FSTL5: variants seen among roughly 807,000 people sequenced by gnomAD.
FSTL5 encodes follistatin like 5.
A neutral mutation model predicts 89.1 loss-of-function variants in FSTL5; 62 were observed. The observed-to-expected ratio is 0.70, with a 90% CI of 0.57 to 0.86. FSTL5 has a LOEUF of 0.86. FSTL5 is among the 40% of genes least tolerant of loss of function. The pLI is 0.00. For synonymous variants in FSTL5, 383 were observed against 346.2 expected (o/e 1.11, Z -1.18); for missense variants, 1,057 against 1,001.6 (o/e 1.06, Z -0.75).
At chr4:161,493,502 C>T (rs2126473575) in intron 12 of FSTL5, among the ~76,000 whole-genome samples, 1 of 151,608 alleles carries the variant, frequency 6.6e-6, no homozygotes, top group South Asian at 2.1e-4. Flanking sequence ...AAGATAGGTA[C>T]TTTTTTGTGT....
chr4:161,868,937 A>G (rs1342669079), intron 4 of FSTL5, among the ~76,000 whole-genome samples: 2 of 152,214 alleles, frequency 1.3e-5, no homozygotes, highest in South Asian at 2.1e-4. Flanking sequence ...AAAGATAACA[A>G]AAGGCCAGGC....
intron 3 of FSTL5, among the ~76,000 whole-genome samples, chr4:161,989,058 C>T (rs192922158): frequency 6.6e-6 from 1 of 152,254 alleles, no homozygotes; most frequent in East Asian, 1.9e-4. Context: ...AGGATGTATT[C>T]TACTTAAATC....
intron 3 of FSTL5, among the ~76,000 whole-genome samples, chr4:162,011,533 G>A (rs772692200): frequency 4.6e-5 from 7 of 150,754 alleles, no homozygotes; most frequent in Non-Finnish European, 1.0e-4. Flanking sequence ...TGCTCTTGTC[G>A]CCCAGGCTGG....
chr4:161,820,471 A>G (rs1321538712), intron 4 of FSTL5, among the ~76,000 whole-genome samples: 4 of 152,234 alleles, frequency 2.6e-5, no homozygotes, highest in African/African-American at 4.8e-5. Flanking sequence ...TGTCATTGAA[A>G]CATATAATGA....
At position 161,437,565 on chromosome 4, in the gene FSTL5, C is replaced by CAAAAAAAAAAAAAAAAAAAAAAAAAAAAA. The variant is rs56229701; in HGVS notation, c.1841+17438_1841+17439insTTTTTTTTTTTTTTTTTTTTTTTTTTTTT. Among the ~76,000 whole-genome samples the CAAAAAAAAAAAAAAAAAAAAAAAAAAAAA allele has an allele frequency of 1.7e-3, 118 of 68,462 alleles. 7 individuals carry two copies. Among genetic ancestry groups the CAAAAAAAAAAAAAAAAAAAAAAAAAAAAA allele is most frequent in the South Asian group, 3.1e-3 (5 of 1,610 alleles). 44.9% of individuals were successfully genotyped at this position (68,462 alleles called of 152,430 possible). A position where few individuals can be genotyped will look rare whatever the true frequency, so the allele number is the denominator to read the frequency against. ...CTGGTGACAGAGTGAGACTCCGTCT[C>CAAAAAAAAAAAAAAAAAAAAAAAAAAAAA]AAAAAAAAAAAAAAAAACGAGGTCA... On this transcript the variant is annotated intron_variant, in intron 15 of 15. Coordinates refer to ENST00000306100, the MANE Select transcript of FSTL5 (RefSeq NM_020116.5).
chr4:161,541,663 A>G (rs1731822600), intron 9 of FSTL5, among the ~76,000 whole-genome samples: 1 of 152,064 alleles, frequency 6.6e-6, no homozygotes, highest in African/African-American at 2.4e-5. Context: ...TATATCCACT[A>G]TTAAAGTGGA....
chr4:161,917,453 TC>T (rs1408434669), intron 4 of FSTL5, among the ~76,000 whole-genome samples: 2 of 152,144 alleles, frequency 1.3e-5, no homozygotes, highest in African/African-American at 4.8e-5. Context: ...TACAGACATA[TC>T]CCATATATCT....
chr4:161,792,488 T>G (rs1729511838), intron 4 of FSTL5, among the ~76,000 whole-genome samples: 1 of 152,090 alleles, frequency 6.6e-6, no homozygotes, highest in African/African-American at 2.4e-5. Flanking sequence ...GGGATGCCAG[T>G]CTCATGGACC....
intron 12 of FSTL5, chr4:161,495,532 G>A (rs1264557221): frequency 6.6e-6 from 1 of 151,982 alleles, no homozygotes; most frequent in East Asian, 1.9e-4. Flanking sequence ...TAACAAGATG[G>A]AATAAAAGAT....
intron 7 of FSTL5, among the ~76,000 whole-genome samples, chr4:161,639,267 A>G (rs1051566786): frequency 1.3e-5 from 2 of 152,194 alleles, no homozygotes; most frequent in African/African-American, 4.8e-5. Flanking sequence ...AACTGTAATT[A>G]AAGGGTAATG....
intron 3 of FSTL5, among the ~76,000 whole-genome samples, chr4:161,979,657 G>T (rs1390573211): frequency 6.6e-6 from 1 of 151,586 alleles, no homozygotes; most frequent in Admixed American, 6.6e-5. Context: ...ATATCAAATT[G>T]TACAAAGGGG....
intron 15 of FSTL5, among the ~76,000 whole-genome samples, chr4:161,417,035 T>C (rs1317499835): frequency 1.3e-5 from 2 of 152,188 alleles, no homozygotes; most frequent in African/African-American, 4.8e-5. Flanking sequence ...GGTTTTTATT[T>C]AGAAGACTGG....
At chr4:161,752,535 T>C (rs1228712042) in intron 6 of FSTL5, among the ~76,000 whole-genome samples, 3 of 152,208 alleles carry the variant, frequency 2.0e-5, no homozygotes, top group African/African-American at 7.2e-5. Context: ...GAAAGTCTCA[T>C]GACCAGAGTT....
At chr4:161,493,322 A>T (rs751009886) in intron 12 of FSTL5, among the ~76,000 whole-genome samples, 16 of 151,848 alleles carry the variant, frequency 1.1e-4, no homozygotes, top group Non-Finnish European at 2.1e-4. Context: ...TTTAATATTG[A>T]TAATACAAGA....
At chr4:161,476,184 T>G (rs1321863010) in intron 13 of FSTL5, among the ~76,000 whole-genome samples, 1 of 106,050 alleles carries the variant, frequency 9.4e-6, no homozygotes, top group African/African-American at 3.5e-5. Context: ...TTTTTTTTTT[T>G]TTTTGTTTGT....
chr4:161,716,456 G>A (rs1594902), intron 6 of FSTL5, among the ~76,000 whole-genome samples: 9,419 of 152,062 alleles, frequency 0.062, 465 homozygotes, highest in African/African-American at 0.14. Context: ...AGTGAGCCGA[G>A]TTTGGTGGTG....
intron 10 of FSTL5, among the ~76,000 whole-genome samples, chr4:161,521,145 C>G (rs970042494): frequency 2.0e-5 from 3 of 152,154 alleles, no homozygotes; most frequent in African/African-American, 7.2e-5. Flanking sequence ...TTCAGTGTTA[C>G]CACTTACAGT....
chr4:161,661,106 T>C (rs1020359481), intron 6 of FSTL5, among the ~76,000 whole-genome samples: 17 of 152,128 alleles, frequency 1.1e-4, no homozygotes, highest in Admixed American at 1.3e-4. Context: ...TTAACACATA[T>C]AGAAAAAACG....
intron 3 of FSTL5, among the ~76,000 whole-genome samples, chr4:161,939,692 T>G (rs1734525512): frequency 6.6e-6 from 1 of 151,980 alleles, no homozygotes; most frequent in African/African-American, 2.4e-5. Flanking sequence ...TAGTTCCATT[T>G]GACAGGAAAT....
Sources: gnomAD v4.1 joint callset for allele counts (sites outside exome capture counted in the v4.1 genomes callset) on GRCh38, gnomAD v4.1.1 for gene constraint, MANE v1.5 for transcripts, NCBI Gene and HGNC (gene_info 2026-07-23, HGNC 2026-07-21) for gene names.